SLC26A11: variants seen among roughly 807,000 people sequenced by gnomAD.
The protein encoded by SLC26A11 is sodium-independent sulfate anion transporter.
SLC26A11 carries 58 observed loss-of-function variants against 62.2 expected under a neutral mutation model. That is an observed-to-expected ratio of 0.93 (90% CI 0.76 to 1.16). The LOEUF is 1.16. Ranked by LOEUF, SLC26A11 falls within the 50% of genes most tolerant of loss-of-function variation. The pLI is 0.00. For synonymous variants in SLC26A11, 411 were observed against 368.9 expected, an observed-to-expected ratio of 1.11 and a Z score of -1.31; for missense variants, 790 against 794.3, an observed-to-expected ratio of 0.99 and a Z score of 0.06.
rs1391860658 is a variant in SLC26A11, at chr17:80,222,931, G to A, written c.427+84G>A. On this transcript the variant is annotated intron_variant, in intron 4 of 17. Coordinates refer to ENST00000361193, the MANE Select transcript of SLC26A11 (RefSeq NM_001166347.2). The surrounding 1 kb of genome is among the most constrained non-coding windows in gnomAD (Gnocchi z 4.7). Reference sequence around the variant, plus strand: ...ATTTCAAGTCTATCCCCGTGTGCGTGTGTGTGCGTGTTGGGGTGTGGGTAT... The same window carrying A: ...ATTTCAAGTCTATCCCCGTGTGCGTATGTGTGCGTGTTGGGGTGTGGGTAT... The A allele has an allele frequency of 1.5e-6, 2 of 1,376,494 alleles. No individual in the cohort carries two copies. Among genetic ancestry groups the A allele is most frequent in the African/African-American group, 1.9e-5 (1 of 51,496 alleles). The allele number at this position is 1,376,494 out of a possible 1,614,324, so 85.3% of individuals were successfully genotyped here.
intron 8 of SLC26A11, 135 bp from the exon 9 acceptor site, chr17:80,237,387 G>A (rs1364419523): frequency 9.2e-6 from 8 of 871,714 alleles, no homozygotes; most frequent in Middle Eastern, 3.3e-4. Context: ...CTTCAGACAA[G>A]GAGGCGGATC....
At chr17:80,238,669 T>A (rs2042764916) in intron 9 of SLC26A11, among the ~76,000 whole-genome samples, 1 of 152,172 alleles carries the variant, frequency 6.6e-6, no homozygotes, top group Non-Finnish European at 1.5e-5. Context: ...TGGGTTTATG[T>A]TGATTCTAAA....
chr17:80,225,802 C>T, intron 5 of SLC26A11, 35 bp from the exon 6 acceptor site: 2 of 1,594,128 alleles, frequency 1.3e-6, no homozygotes, highest in South Asian at 1.1e-5. Context: ...GGTTTGGGAG[C>T]ATAGCCTCTG....
intron 16 of SLC26A11, among the ~76,000 whole-genome samples, chr17:80,250,656 G>A (rs1032848345): frequency 5.9e-5 from 9 of 151,414 alleles, no homozygotes; most frequent in Non-Finnish European, 1.0e-4. Flanking sequence ...GTGAAACTCC[G>A]TCTCTACTAA....
intron 15 of SLC26A11, 116 bp downstream of exon 15, chr17:80,248,790 C>A: frequency 9.5e-7 from 1 of 1,055,886 alleles, no homozygotes; most frequent in Non-Finnish European, 1.4e-6. Flanking sequence ...CACAAGGATG[C>A]AGGCATCTCT....
At chr17:80,235,575 C>T (rs181475871) in intron 7 of SLC26A11, among the ~76,000 whole-genome samples, 15 of 152,338 alleles carry the variant, frequency 9.8e-5, no homozygotes, top group Admixed American at 3.9e-4. Context: ...AGGCTGGCCT[C>T]AAACTTCTGG....
At position 80,241,822 on chromosome 17, in the gene SLC26A11, G is replaced by T; in HGVS notation, c.1036+1G>T. 1 of 1,614,184 alleles carries T rather than the reference G, an allele frequency of 6.2e-7. No homozygotes were observed. Among genetic ancestry groups the T allele is most frequent in the Non-Finnish European group, 8.5e-7 (1 of 1,180,028 alleles). ...GCCAACCAGGAGCTGCTGGCCATCG[G>T]TAAGACCCCAGCCGCGGGAAGGAAG... On this transcript the variant is annotated splice_donor_variant, in intron 10 of 17. Transcript: ENST00000361193. LOFTEE classifies it high-confidence loss of function.
chr17:80,225,367 G>A (rs778460215), intron 5 of SLC26A11, among the ~76,000 whole-genome samples: 2 of 152,150 alleles, frequency 1.3e-5, no homozygotes, highest in African/African-American at 2.4e-5. Context: ...TTTTCCTCCC[G>A]CAGCAGCGGA....
At chr17:80,224,345 G>A (rs1166972101) in intron 5 of SLC26A11, among the ~76,000 whole-genome samples, 4 of 145,366 alleles carry the variant, frequency 2.8e-5, no homozygotes, top group South Asian at 2.2e-4. Context: ...GAGTGTGAGA[G>A]TGGGTGTGGG....
At chr17:80,229,459 T>C (rs1418642486) in intron 7 of SLC26A11, among the ~76,000 whole-genome samples, 1 of 151,962 alleles carries the variant, frequency 6.6e-6, no homozygotes. Flanking sequence ...GGAGACGGTG[T>C]CTCACTCTGT....
rs1041957339 is a variant in SLC26A11, at chr17:80,246,484, T to C, written c.1154-25T>C. 1.7e-5 allele frequency: 28 copies of C among 1,606,182 alleles called. No homozygotes were observed. The highest frequency in any genetic ancestry group is 2.7e-5 in the African/African-American group (2 of 74,880). ...CTGGGGGGACCCTGCACTCCCGAGG[T>C]CACCTGTGTTCCCGTGCCCCGCAGG... On this transcript the variant is annotated intron_variant, in intron 12 of 17. Transcript: ENST00000361193. The surrounding 1 kb of genome is among the most constrained non-coding windows in gnomAD (Gnocchi z 4.4).
chr17:80,246,487 C>T lies in SLC26A11; in HGVS notation c.1154-22C>T. On this transcript the variant is annotated intron_variant, in intron 12 of 17. Coordinates refer to ENST00000361193, the MANE Select transcript of SLC26A11 (RefSeq NM_001166347.2). The surrounding 1 kb of genome is among the most constrained non-coding windows in gnomAD (Gnocchi z 4.4). ...GGGGGACCCTGCACTCCCGAGGTCA[C>T]CTGTGTTCCCGTGCCCCGCAGGAGT... 1.9e-6 allele frequency: 3 copies of T among 1,607,308 alleles called. No individual in the cohort carries two copies. The highest frequency in any genetic ancestry group is 2.5e-6 in the Non-Finnish European group (3 of 1,179,926).
In SLC26A11 at chr17:80,238,819, TGTTTTTTG is replaced by T. The variant is rs1382404287; in HGVS notation, c.985+1226_985+1233del. Among the ~76,000 whole-genome samples, 23 of 139,982 alleles carry T rather than the reference TGTTTTTTG, an allele frequency of 1.6e-4. 1 individual carries two copies. The highest frequency in any genetic ancestry group is 6.3e-4 in the African/African-American group (23 of 36,264). 91.8% of individuals were successfully genotyped at this position (139,982 alleles called of 152,430 possible). On this transcript the variant is annotated intron_variant, in intron 9 of 17. Transcript: ENST00000361193. ...TTACCCCCTTCAAAGGAGTTTTTTT[TGTTTTTTG>T]TTTTTTTTTTTTTTTGGAGACAGAG...
intron 6 of SLC26A11, among the ~76,000 whole-genome samples, chr17:80,227,041 A>G (rs918478400): frequency 3.3e-5 from 5 of 152,144 alleles, no homozygotes; most frequent in Non-Finnish European, 5.9e-5. Context: ...CCAGTCAGAG[A>G]GCGTCACGGG....
chr17:80,222,359 G>C lies in SLC26A11; in HGVS notation c.235-296G>C, dbSNP rs2042245358. 6.8e-6 allele frequency: 2 copies of C among 295,940 alleles called. No individual in the cohort carries two copies. The highest frequency in any genetic ancestry group is 1.2e-5 in the Non-Finnish European group (2 of 163,728). The allele number at this position is 295,940 out of a possible 1,614,324, so 18.3% of individuals were successfully genotyped here. Reference sequence around the variant, plus strand: ...CCACTGCCCTCCAGCCTGGGCGACAGAGCGAGACTCCATCTCAAAAAAAAA... The same window carrying C: ...CCACTGCCCTCCAGCCTGGGCGACACAGCGAGACTCCATCTCAAAAAAAAA... On this transcript the variant is annotated intron_variant, in intron 3 of 17. Transcript: ENST00000361193. The surrounding 1 kb of genome is among the most constrained non-coding windows in gnomAD (Gnocchi z 4.7).
At chr17:80,248,492 T>G in intron 14 of SLC26A11, 83 bp from the exon 15 acceptor site, 1 of 1,423,680 alleles carries the variant, frequency 7.0e-7, no homozygotes, top group South Asian at 1.3e-5. Flanking sequence ...CTAGGTTGGG[T>G]GGGGGCTTCC....
rs542563986 is a variant in SLC26A11 at position 80,252,770 on chromosome 17, C to T, written c.*54C>T. The T allele has an allele frequency of 1.2e-5, 18 of 1,507,894 alleles. No individual in the cohort carries two copies. The highest frequency in any genetic ancestry group is 2.2e-4 in the Middle Eastern group (1 of 4,572). The allele number at this position is 1,507,894 out of a possible 1,614,324, so 93.4% of individuals were successfully genotyped here. A position where few individuals can be genotyped will look rare whatever the true frequency, so the allele number is the denominator to read the frequency against. ...GCAGGGTGTTCCGGAAGGTTCTTGTCACTGTGATTGGATGCTGGATGCCGC... is the reference window on the plus strand; with the variant it reads ...GCAGGGTGTTCCGGAAGGTTCTTGTTACTGTGATTGGATGCTGGATGCCGC... On this transcript the variant is annotated 3_prime_UTR_variant, in exon 18 of 18. Transcript: ENST00000361193. The surrounding 1 kb of genome is among the most constrained non-coding windows in gnomAD (Gnocchi z 5.2).
rs771088512 is a variant in SLC26A11, at chr17:80,245,257, G to A, written c.1097+1G>A. 7 of 1,613,682 alleles carry A rather than the reference G, an allele frequency of 4.3e-6. No homozygotes were observed. On this transcript the variant is annotated splice_donor_variant, in intron 11 of 17. Transcript: ENST00000361193. LOFTEE classifies it high-confidence loss of function. ...ACCCGGTCACAGGCAGCTTTGGACG[G>A]TGAGTGACCTGTCCGCCTCTTCTGT...
At chr17:80,250,878 C>T (rs1255707454) in intron 16 of SLC26A11, among the ~76,000 whole-genome samples, 1 of 152,058 alleles carries the variant, frequency 6.6e-6, no homozygotes, top group Admixed American at 6.5e-5. Context: ...CTGTGGCTCA[C>T]ACCTGTAATC....
Sources: gnomAD v4.1 joint callset for allele counts (sites outside exome capture counted in the v4.1 genomes callset) on GRCh38, gnomAD v4.1.1 for gene constraint, Gnocchi (gnomAD v3.1) non-coding constraint, MANE v1.5 for transcripts, NCBI Gene and HGNC (gene_info 2026-07-23, HGNC 2026-07-21) for gene names.